Variants in MYT1L observed in about 807,000 individuals in gnomAD.
MYT1L encodes myelin transcription factor 1 like, also known as myelin transcription factor 1-like protein.
Under a neutral mutation model 126.7 loss-of-function variants are expected in MYT1L, and 12 were observed. That is an observed-to-expected ratio of 0.09 (90% confidence interval 0.06 to 0.15). The LOEUF is 0.15. Ranked by LOEUF, MYT1L falls within the 10% of genes least tolerant of loss-of-function variation. The probability of loss-of-function intolerance (pLI) is 1.00; values close to 1 mark genes in which losing one functional copy is unlikely to be tolerated. For synonymous variants in MYT1L, 541 were observed against 604.2 expected (o/e 0.90, Z 1.53); for missense variants, 979 against 1,585.2 (o/e 0.62, Z 6.49).
chr2:1,919,041 T>C (rs1249743741), intron 10 of MYT1L, among the ~76,000 whole-genome samples: 1 of 152,224 alleles, frequency 6.6e-6, no homozygotes, highest in Non-Finnish European at 1.5e-5. Flanking sequence ...TGTAAATGGC[T>C]AGTGGCTGGT....
chr2:2,037,121 G>A (rs1045867965), intron 4 of MYT1L, among the ~76,000 whole-genome samples: 5 of 152,232 alleles, frequency 3.3e-5, no homozygotes, highest in African/African-American at 1.2e-4. Context: ...CCTTGGAAAA[G>A]CAGTTCCAAA....
chr2:1,791,528 C>G lies in MYT1L; in HGVS notation c.*339G>C, dbSNP rs1219872559. The G allele has an allele frequency of 1.5e-5, 5 of 331,640 alleles. No homozygotes were observed. Among genetic ancestry groups the G allele is most frequent in the Non-Finnish European group, 2.9e-5 (5 of 174,646 alleles). 20.5% of individuals were successfully genotyped at this position (331,640 alleles called of 1,614,324 possible). A position where few individuals can be genotyped will look rare whatever the true frequency, so the allele number is the denominator to read the frequency against. On this transcript the variant is annotated 3_prime_UTR_variant, in exon 25 of 25. Transcript: ENST00000647738. This position sits in a 1 kb window ranked among gnomAD's most constrained non-coding sequence, Gnocchi z 6.0. ...TTCAAAATACTAAAACATTTAATCA[C>G]TAAAGCATTAAAAAGAATTTACACT...
chr2:1,860,841 G>A (rs2044494124), intron 18 of MYT1L, among the ~76,000 whole-genome samples: 1 of 152,090 alleles, frequency 6.6e-6, no homozygotes, highest in African/African-American at 2.4e-5. Flanking sequence ...GTGGGGGCTG[G>A]GAGCGGTTCT....
chr2:2,246,540 C>A (rs546455311), intron 2 of MYT1L, among the ~76,000 whole-genome samples: 48 of 152,150 alleles, frequency 3.2e-4, no homozygotes, highest in Non-Finnish European at 4.9e-4. Context: ...TGTGAGGGGG[C>A]CTTTTCTTGT....
At chr2:1,814,527 T>C (rs989191411) in intron 21 of MYT1L, among the ~76,000 whole-genome samples, 3 of 152,186 alleles carry the variant, frequency 2.0e-5, no homozygotes, top group Admixed American at 6.5e-5. Context: ...ACATGTTTAG[T>C]AAAAATGCAC....
rs377520247 is a variant in MYT1L at position 1,907,397 on chromosome 2, A to G, written c.1817+2843T>C. On this transcript the variant is annotated intron_variant, in intron 13 of 24. Transcript: ENST00000647738. Reference sequence around the variant, plus strand: ...AAGGTGAGGAGGCAAAAAAGCCAGGAGAACCCTCAGGGAATAGCAAGAGAC... The same window carrying G: ...AAGGTGAGGAGGCAAAAAAGCCAGGGGAACCCTCAGGGAATAGCAAGAGAC... Among the ~76,000 whole-genome samples the G allele has an allele frequency of 5.3e-5, 8 of 152,350 alleles. No individual in the cohort carries two copies. In the East Asian group the frequency reaches 1.5e-3, roughly 29 times the overall value.
rs2031660785 is a variant in MYT1L, at chr2:1,789,539, A to G, written c.*2328T>C. 1 of 152,260 alleles carries G rather than the reference A, an allele frequency of 6.6e-6. No individual in the cohort carries two copies. Among genetic ancestry groups the G allele is most frequent in the South Asian group, 2.1e-4 (1 of 4,834 alleles). 9.4% of individuals were successfully genotyped at this position (152,260 alleles called of 1,614,324 possible). A position where few individuals can be genotyped will look rare whatever the true frequency, so the allele number is the denominator to read the frequency against. ...GATTATGTACCAACGTTAGATGAGC[A>G]GCAGGTTTGTGCTTAAAATCCCTTT... On this transcript the variant is annotated 3_prime_UTR_variant, in exon 25 of 25. Transcript: ENST00000647738.
intron 18 of MYT1L, among the ~76,000 whole-genome samples, chr2:1,867,413 C>T (rs1458038730): frequency 2.6e-5 from 4 of 152,184 alleles, no homozygotes; most frequent in South Asian, 4.1e-4. Context: ...TCCCATGTCT[C>T]GTCCCTGGAG....
chr2:1,798,317 C>T (rs994932047), intron 23 of MYT1L, among the ~76,000 whole-genome samples: 3 of 152,152 alleles, frequency 2.0e-5, no homozygotes, highest in African/African-American at 7.2e-5. Context: ...AAGGCTTGGA[C>T]GGAGTTTCCT....
chr2:2,325,427 T>C (rs1264256175), intron 1 of MYT1L: 2 of 152,212 alleles, frequency 1.3e-5, no homozygotes, highest in African/African-American at 2.4e-5. Flanking sequence ...CACCTTTTAT[T>C]ATTGTTTGAA....
chr2:2,195,149 T>G (rs2092745068), intron 2 of MYT1L, among the ~76,000 whole-genome samples: 1 of 152,208 alleles, frequency 6.6e-6, no homozygotes, highest in Non-Finnish European at 1.5e-5. Context: ...AAGACCTAGG[T>G]GTAGCACATC....
chr2:1,991,171 T>C lies in MYT1L; in HGVS notation c.-1+6020A>G, dbSNP rs73913036. 5.5e-3 allele frequency among the ~76,000 whole-genome samples: 840 copies of C among 152,278 alleles called. 11 individuals are homozygous for C. The highest frequency in any genetic ancestry group is 0.02 in the African/African-American group (820 of 41,572). ...CCAGCCTGCTTCCGAGTAAGAAGTT[T>C]CCATTGAAATCTCTGCTCGCTGCCA... On this transcript the variant is annotated intron_variant, in intron 5 of 24. Transcript: ENST00000647738.
At chr2:2,110,831 G>T (rs2079344249) in intron 3 of MYT1L, among the ~76,000 whole-genome samples, 1 of 152,174 alleles carries the variant, frequency 6.6e-6, no homozygotes, top group Non-Finnish European at 1.5e-5. Flanking sequence ...GACGCTTATG[G>T]GGGGCAGTAT....
At chr2:1,874,256 T>C (rs1366350853) in intron 18 of MYT1L, among the ~76,000 whole-genome samples, 4 of 152,046 alleles carry the variant, frequency 2.6e-5, no homozygotes, top group Admixed American at 6.5e-5. Flanking sequence ...AAAGGAAAGA[T>C]ACAAGTCATT....
intron 4 of MYT1L, among the ~76,000 whole-genome samples, chr2:2,029,663 A>G (rs1166477631): frequency 6.6e-6 from 1 of 152,232 alleles, no homozygotes; most frequent in Non-Finnish European, 1.5e-5. Context: ...ATAGCTTTCC[A>G]CACATGAAAT....
intron 3 of MYT1L, among the ~76,000 whole-genome samples, chr2:2,166,664 T>C (rs962007023): frequency 1.3e-5 from 2 of 152,238 alleles, no homozygotes; most frequent in African/African-American, 4.8e-5. Context: ...CACGTTTCTT[T>C]TAAATTTTGT....
At chr2:1,836,808 C>T (rs2040970948) in intron 21 of MYT1L, among the ~76,000 whole-genome samples, 1 of 152,206 alleles carries the variant, frequency 6.6e-6, no homozygotes, top group Admixed American at 6.5e-5. Flanking sequence ...AGCCTGCACC[C>T]CAATATTCCA....
At chr2:1,816,391 C>T (rs1353399392) in intron 21 of MYT1L, 1 of 152,644 alleles carries the variant, frequency 6.6e-6, no homozygotes, top group Non-Finnish European at 1.5e-5. Flanking sequence ...GAGCAGAGCT[C>T]TCCGCCGGGT....
intron 5 of MYT1L, among the ~76,000 whole-genome samples, chr2:1,995,534 G>A (rs1171256183): frequency 6.6e-6 from 1 of 152,196 alleles, no homozygotes; most frequent in Non-Finnish European, 1.5e-5. Flanking sequence ...TAGAAGGGGT[G>A]GAAGGGAAAA....
Sources: allele counts gnomAD v4.1 joint callset (sites outside exome capture counted in the v4.1 genomes callset), GRCh38; gene constraint gnomAD v4.1.1; non-coding constraint Gnocchi (gnomAD v3.1); transcripts MANE v1.5; gene names NCBI Gene and HGNC (gene_info 2026-07-23, HGNC 2026-07-21).